Variants in ALG14 observed in about 807,000 individuals in gnomAD.
ALG14 encodes the protein ALG14 UDP-N-acetylglucosaminyltransferase subunit.
In ALG14, 17 loss-of-function variants were observed where a neutral mutation model predicts 22.8. That is an observed-to-expected ratio of 0.75 (90% CI 0.51 to 1.12). ALG14 has a LOEUF of 1.12. Among genes scored for constraint, ALG14 ranks in the 50% most tolerant of loss-of-function variants. The pLI is 0.00. For missense variants in ALG14, 288 were observed against 271.8 expected, an observed-to-expected ratio of 1.06 and a Z score of -0.42; for synonymous variants, 89 against 103.7, an observed-to-expected ratio of 0.86 and a Z score of 0.86.
rs570056218 is a variant in ALG14 at position 95,002,246 on chromosome 1, G to C, written c.421-18940C>G. ...ATTGATAAAGCCCTGTAAGTACCTG[G>C]GGGGGGGAACCTGGAAGGTGGGGAG... On this transcript the variant is annotated intron_variant, in intron 3 of 3. Transcript: ENST00000370205. Among the ~76,000 whole-genome samples the C allele has an allele frequency of 5.3e-5, 8 of 150,880 alleles. No homozygotes were observed. In the East Asian group the frequency reaches 5.8e-4, roughly 11 times the overall value.
intron 2 of ALG14, among the ~76,000 whole-genome samples, chr1:95,033,863 T>C (rs1246759254): frequency 6.6e-6 from 1 of 152,214 alleles, no homozygotes; most frequent in Non-Finnish European, 1.5e-5. Flanking sequence ...ATCTATTCTT[T>C]ATAGAATTGC....
In ALG14 at chr1:94,983,020, A is replaced by C; in HGVS notation, c.*56T>G. 6.8e-7 allele frequency: 1 copy of C among 1,479,506 alleles called. No individual in the cohort carries two copies. The highest frequency in any genetic ancestry group is 1.2e-5 in the South Asian group (1 of 86,358). The allele number at this position is 1,479,506 out of a possible 1,614,324, so 91.6% of individuals were successfully genotyped here. On this transcript the variant is annotated 3_prime_UTR_variant, in exon 4 of 4. Coordinates refer to ENST00000370205, the MANE Select transcript of ALG14 (RefSeq NM_144988.4). ...AACATGTAGGGTTTTTTTCCCCCCA[A>C]TTTGAGTACATACTACTGTTAACTG...
intron 3 of ALG14, among the ~76,000 whole-genome samples, chr1:95,015,999 T>G (rs1159215626): frequency 1.3e-5 from 2 of 152,218 alleles, no homozygotes; most frequent in African/African-American, 4.8e-5. Context: ...TTCTTATGCA[T>G]GAATGTTCAC....
At chr1:95,048,356 T>A (rs1674629617) in intron 2 of ALG14, among the ~76,000 whole-genome samples, 1 of 152,340 alleles carries the variant, frequency 6.6e-6, no homozygotes, top group African/African-American at 2.4e-5. Flanking sequence ...TTTATTCATA[T>A]GTCACCGAGC....
intron 2 of ALG14, among the ~76,000 whole-genome samples, chr1:95,064,046 G>A (rs1328950664): frequency 2.0e-5 from 3 of 152,180 alleles, no homozygotes; most frequent in African/African-American, 7.2e-5. Flanking sequence ...TGCAGTGATT[G>A]TGAATGGGAG....
At chr1:95,056,443 G>T (rs972434438) in intron 2 of ALG14, among the ~76,000 whole-genome samples, 3 of 151,934 alleles carry the variant, frequency 2.0e-5, no homozygotes, top group Admixed American at 2.0e-4. Flanking sequence ...CCAGGAGTTC[G>T]AGACCAGCCT....
Position 95,065,122 on chromosome 1 carries a change from A to G in ALG14, c.137-105T>C. 3 of 944,286 alleles carry G rather than the reference A, an allele frequency of 3.2e-6. No homozygotes were observed. In the South Asian group the frequency reaches 7.1e-5, roughly 22 times the overall value. The allele number at this position is 944,286 out of a possible 1,614,324, so 58.5% of individuals were successfully genotyped here. A position where few individuals can be genotyped will look rare whatever the true frequency, so the allele number is the denominator to read the frequency against. On this transcript the variant is annotated intron_variant, in intron 1 of 3. Transcript: ENST00000370205. ...GGTTTCAGGTTGGGGGTGGGGGGGC[A>G]CTGTAATTGTATATTTCTCAGAAGA...
chr1:95,068,627 C>T (rs1675458729), intron 1 of ALG14, among the ~76,000 whole-genome samples: 1 of 152,070 alleles, frequency 6.6e-6, no homozygotes, highest in African/African-American at 2.4e-5. Context: ...GAGTAAATGT[C>T]GCTTGGTCTT....
chr1:95,045,130 A>C lies in ALG14; in HGVS notation c.289-17870T>G, dbSNP rs549301740. On this transcript the variant is annotated intron_variant, in intron 2 of 3. Transcript: ENST00000370205. ...AACAGTTAAAGCTAGCATATAAGGA[A>C]GTGATTGAGTTTTGCATATTTGGCT... Among the ~76,000 whole-genome samples the C allele has an allele frequency of 2.0e-5, 3 of 152,306 alleles. No homozygotes were observed. The South Asian group carries it at 6.2e-4, about 32-fold the overall frequency.
rs985676664 is a variant in ALG14, at chr1:94,986,179, AAT to A, written c.421-2875_421-2874del. 3.3e-4 allele frequency among the ~76,000 whole-genome samples: 50 copies of A among 152,294 alleles called. 1 individual carries two copies. Among genetic ancestry groups the A allele is most frequent in the Admixed American group, 2.7e-3 (41 of 15,294 alleles). ...TACTCTTCATACTTCCATTTCTCAA[AAT>A]ATAAATTATCAGTGAATGTGTCTCA... On this transcript the variant is annotated intron_variant, in intron 3 of 3. Coordinates refer to ENST00000370205, the MANE Select transcript of ALG14 (RefSeq NM_144988.4).
At chr1:95,070,007 C>G (rs1277084671) in intron 1 of ALG14, among the ~76,000 whole-genome samples, 1 of 152,170 alleles carries the variant, frequency 6.6e-6, no homozygotes, top group Non-Finnish European at 1.5e-5. Context: ...CAAGACCAGT[C>G]TGGCACACAT....
intron 2 of ALG14, among the ~76,000 whole-genome samples, chr1:95,029,671 G>T (rs1342458852): frequency 3.9e-5 from 6 of 152,198 alleles, no homozygotes; most frequent in Admixed American, 1.3e-4. Context: ...CTTGCACTCA[G>T]AAAAAGGTGT....
chr1:95,056,899 A>T (rs912213084), intron 2 of ALG14, among the ~76,000 whole-genome samples: 3 of 151,588 alleles, frequency 2.0e-5, no homozygotes, highest in Non-Finnish European at 4.4e-5. Flanking sequence ...TCTACTAAAA[A>T]TACAAAAATT....
At position 94,978,181 on chromosome 1, in the gene ALG14, G is replaced by A. The variant is rs754503121; in HGVS notation, c.*4895C>T. The A allele has an allele frequency of 6.6e-5, 10 of 151,596 alleles. No individual in the cohort carries two copies. The highest frequency in any genetic ancestry group is 1.5e-4 in the Non-Finnish European group (10 of 67,994). The allele number at this position is 151,596 out of a possible 1,614,324, so 9.4% of individuals were successfully genotyped here. ...CTGGTTCAAGCAATTATTTGCCTCA[G>A]CCTCCCAAGTAGCTGGAATTACAGG... On this transcript the variant is annotated 3_prime_UTR_variant, in exon 4 of 4. Transcript: ENST00000370205.
intron 2 of ALG14, among the ~76,000 whole-genome samples, chr1:95,031,010 A>T (rs1277721509): frequency 1.3e-5 from 2 of 152,192 alleles, no homozygotes; most frequent in Non-Finnish European, 2.9e-5. Context: ...ACAAGGAGCC[A>T]ACCTCCCAGT....
intron 3 of ALG14, among the ~76,000 whole-genome samples, chr1:94,995,004 T>A (rs1364942479): frequency 6.6e-6 from 1 of 152,220 alleles, no homozygotes; most frequent in African/African-American, 2.4e-5. Flanking sequence ...AGTGATTATA[T>A]AACTCCTGAC....
chr1:95,028,911 T>C (rs1259051306), intron 2 of ALG14, among the ~76,000 whole-genome samples: 1 of 152,250 alleles, frequency 6.6e-6, no homozygotes. Context: ...TTTGAATATG[T>C]TTAAAATTTG....
chr1:95,011,521 G>A (rs1374266831), intron 3 of ALG14, among the ~76,000 whole-genome samples: 2 of 151,882 alleles, frequency 1.3e-5, no homozygotes, highest in African/African-American at 2.4e-5. Context: ...CACCTCCTGG[G>A]TTCACGCCAT....
intron 1 of ALG14, among the ~76,000 whole-genome samples, chr1:95,069,206 C>A (rs1309209131): frequency 1.3e-5 from 2 of 152,114 alleles, no homozygotes; most frequent in African/African-American, 2.4e-5. Context: ...AAGTCATGTG[C>A]GGTGGCACGT....
Sources: gnomAD v4.1 joint callset for allele counts (sites outside exome capture counted in the v4.1 genomes callset) on GRCh38, gnomAD v4.1.1 for gene constraint, MANE v1.5 for transcripts, NCBI Gene and HGNC (gene_info 2026-07-23, HGNC 2026-07-21) for gene names.